Variants in SH3PXD2B observed in about 807,000 individuals in gnomAD.
The protein encoded by SH3PXD2B is SH3 and PX domains 2B, also known as SH3 and PX domain-containing protein 2B.
A neutral mutation model predicts 73.1 loss-of-function variants in SH3PXD2B; 37 were observed. The observed-to-expected ratio is 0.51, with a 90% CI of 0.39 to 0.67. The LOEUF (loss-of-function observed/expected upper bound fraction) is 0.67, where lower values mean the gene tolerates loss of function less well. Ranked by LOEUF, SH3PXD2B falls within the 30% of genes least tolerant of loss-of-function variation. SH3PXD2B has a pLI of 0.00. For synonymous variants in SH3PXD2B, 457 were observed against 480.5 expected (o/e 0.95, Z 0.64); for missense variants, 1,053 against 1,197.8 (o/e 0.88, Z 1.78).
intron 3 of SH3PXD2B, among the ~76,000 whole-genome samples, chr5:172,397,244 A>T (rs1175496955): frequency 6.6e-6 from 1 of 152,188 alleles, no homozygotes; most frequent in Non-Finnish European, 1.5e-5. Flanking sequence ...TATTAGGATG[A>T]GGAAATTCCC....
At chr5:172,447,972 C>T (rs1759711007) in intron 1 of SH3PXD2B, among the ~76,000 whole-genome samples, 1 of 152,230 alleles carries the variant, frequency 6.6e-6, no homozygotes, top group Non-Finnish European at 1.5e-5. Flanking sequence ...CCTTTGCTTG[C>T]CACTCACTTG....
Position 172,335,606 on chromosome 5 carries a change from G to A in SH3PXD2B, c.*2763C>T, listed in dbSNP as rs1161590788. On this transcript the variant is annotated 3_prime_UTR_variant, in exon 13 of 13. Transcript: ENST00000311601. ...GTGTTTAGGCACTGGTCACCAGCCC[G>A]GTGCTTGGCACCATTGTCACGATGG... The A allele has an allele frequency of 8.9e-6, 11 of 1,231,710 alleles. No homozygotes were observed. In the East Asian group the frequency reaches 1.3e-4, roughly 14 times the overall value. 76.3% of individuals were successfully genotyped at this position (1,231,710 alleles called of 1,614,324 possible). A position where few individuals can be genotyped will look rare whatever the true frequency, so the allele number is the denominator to read the frequency against.
In SH3PXD2B at chr5:172,334,111, G is replaced by T; in HGVS notation, c.*4258C>A. 1 of 1,117,034 alleles carries T rather than the reference G, an allele frequency of 9.0e-7. No individual in the cohort carries two copies. The highest frequency in any genetic ancestry group is 1.1e-6 in the Non-Finnish European group (1 of 910,484). 69.2% of individuals were successfully genotyped at this position (1,117,034 alleles called of 1,614,324 possible). A position where few individuals can be genotyped will look rare whatever the true frequency, so the allele number is the denominator to read the frequency against. On this transcript the variant is annotated 3_prime_UTR_variant, in exon 13 of 13. Coordinates refer to ENST00000311601, the MANE Select transcript of SH3PXD2B (RefSeq NM_001017995.3). ...CTCATCCCTGATTGGAGCTAAGAAG[G>T]CTTACTTTGGAGTCGAGGATAGAAA... is the stretch of plus-strand genomic sequence containing the variant.
intron 1 of SH3PXD2B, among the ~76,000 whole-genome samples, chr5:172,433,946 C>T (rs770649266): frequency 7.2e-5 from 11 of 152,162 alleles, no homozygotes; most frequent in South Asian, 2.1e-4. Flanking sequence ...GATGGGGACT[C>T]CCAGTGTCCA....
intron 6 of SH3PXD2B, among the ~76,000 whole-genome samples, chr5:172,367,331 C>T (rs886981298): frequency 1.3e-5 from 2 of 151,624 alleles, no homozygotes; most frequent in African/African-American, 4.8e-5. Context: ...ATGGTCCTTA[C>T]CTCACTTGTG....
chr5:172,416,911 G>C (rs914669332), intron 2 of SH3PXD2B, among the ~76,000 whole-genome samples: 1 of 151,670 alleles, frequency 6.6e-6, no homozygotes, highest in Non-Finnish European at 1.5e-5. Context: ...ATCTTGTTTT[G>C]TTGGCCAGAC....
At chr5:172,414,785 C>A (rs754106019) in intron 2 of SH3PXD2B, among the ~76,000 whole-genome samples, 1 of 152,200 alleles carries the variant, frequency 6.6e-6, no homozygotes, top group African/African-American at 2.4e-5. Flanking sequence ...GGCTCCTTCA[C>A]GGGCAGAGTG....
In SH3PXD2B at chr5:172,436,941, G is replaced by A. The variant is rs554824405; in HGVS notation, c.76-14445C>T. Among the ~76,000 whole-genome samples, 7 of 152,292 alleles carry A rather than the reference G, an allele frequency of 4.6e-5. No individual in the cohort carries two copies. The South Asian group carries it at 1.0e-3, about 23-fold the overall frequency. On this transcript the variant is annotated intron_variant, in intron 1 of 12. Coordinates refer to ENST00000311601, the MANE Select transcript of SH3PXD2B (RefSeq NM_001017995.3). ...GGTCCCTAGGAATCCACAGACCCCA[G>A]TTTCAGAAGGCAGCTAGCTGTTAAG...
At chr5:172,425,016 T>C (rs1425420644) in intron 1 of SH3PXD2B, among the ~76,000 whole-genome samples, 2 of 152,126 alleles carry the variant, frequency 1.3e-5, no homozygotes, top group Admixed American at 1.3e-4. Context: ...AGGTAACTCA[T>C]GGAGCCAGGG....
At chr5:172,434,529 T>G (rs545891321) in intron 1 of SH3PXD2B, among the ~76,000 whole-genome samples, 71 of 152,318 alleles carry the variant, frequency 4.7e-4, no homozygotes, top group Non-Finnish European at 1.0e-4. Context: ...CGGAGCTCTG[T>G]GAGCTCCCAA....
chr5:172,424,050 TG>T (rs1276006919), intron 1 of SH3PXD2B, among the ~76,000 whole-genome samples: 2 of 151,378 alleles, frequency 1.3e-5, no homozygotes, highest in Admixed American at 6.6e-5. Context: ...TCACTGGGGG[TG>T]GGGGGGAGCC....
rs62385444 is a variant in SH3PXD2B, at chr5:172,350,930, C to A, written c.786-341G>T. ...CTCTGGGGCCAAAGCCTGGCATAGA[C>A]AGATGGAGATCTGTTCACGCTGATG... On this transcript the variant is annotated intron_variant, in intron 9 of 12. Coordinates refer to ENST00000311601, the MANE Select transcript of SH3PXD2B (RefSeq NM_001017995.3). Among the ~76,000 whole-genome samples the A allele has an allele frequency of 0.28, 42,486 of 152,148 alleles. 6,141 individuals carry two copies. The highest frequency in any genetic ancestry group is 0.32 in the Non-Finnish European group (21,774 of 67,968).
intron 3 of SH3PXD2B, 25 bp downstream of exon 3, chr5:172,406,252 G>C: frequency 6.2e-7 from 1 of 1,613,084 alleles, no homozygotes; most frequent in Admixed American, 1.7e-5. Context: ...CAGTGTCCCA[G>C]TCTGAGAGCA....
rs886060421 is a variant in SH3PXD2B, at chr5:172,339,551, C to T, written c.1554G>A (p.Glu518=). ...YEEISDPDME[E]KPSLPPRKES... ...CTTTCCGCGGAGGGAGGCTGGGCTT[C>T]TCCTCCATGTCGGGGTCTGAGATCT... The change falls in exon 13 of 13, where the codon GAG becomes GAA. Residue 518 remains glutamate (E), a synonymous_variant. Coordinates refer to ENST00000311601, the MANE Select transcript of SH3PXD2B (RefSeq NM_001017995.3). This position sits in a 1 kb window ranked among gnomAD's most constrained non-coding sequence, Gnocchi z 6.1. The T allele has an allele frequency of 6.2e-7, 1 of 1,614,220 alleles. No homozygotes were observed.
chr5:172,447,277 TAATCAGGTGAA>T (rs1436959562), intron 1 of SH3PXD2B, among the ~76,000 whole-genome samples: 1 of 152,238 alleles, frequency 6.6e-6, no homozygotes, highest in Admixed American at 6.5e-5. Flanking sequence ...CCTTCGTTTG[TAATCAGGTGAA>T]AATCAGCCTG....
chr5:172,334,485 A>G lies in SH3PXD2B; in HGVS notation c.*3884T>C. On this transcript the variant is annotated 3_prime_UTR_variant, in exon 13 of 13. Coordinates refer to ENST00000311601, the MANE Select transcript of SH3PXD2B (RefSeq NM_001017995.3). ...TATGGATGTCTGCAGTCTACACAAC[A>G]GCCCTGCAGAACGGGCCTGGACAAC... 1 of 985,870 alleles carries G rather than the reference A, an allele frequency of 1.0e-6. No homozygotes were observed. The highest frequency in any genetic ancestry group is 6.1e-5 in the Admixed American group (1 of 16,306). The allele number at this position is 985,870 out of a possible 1,614,324, so 61.1% of individuals were successfully genotyped here. A position where few individuals can be genotyped will look rare whatever the true frequency, so the allele number is the denominator to read the frequency against.
intron 12 of SH3PXD2B, among the ~76,000 whole-genome samples, 189 bp from the exon 13 acceptor site, chr5:172,340,105 G>A (rs1756819742): frequency 6.6e-6 from 1 of 152,220 alleles, no homozygotes; most frequent in Admixed American, 6.5e-5. Flanking sequence ...TACATGGGGG[G>A]AGAGTCTTGT....
chr5:172,405,966 G>T (rs1758546338), intron 3 of SH3PXD2B, among the ~76,000 whole-genome samples: 1 of 152,172 alleles, frequency 6.6e-6, no homozygotes, highest in African/African-American at 2.4e-5. Flanking sequence ...AGCATCTAAT[G>T]CCAAAACCCA....
intron 12 of SH3PXD2B, among the ~76,000 whole-genome samples, chr5:172,344,984 A>G (rs58971459): frequency 0.013 from 1,960 of 148,656 alleles, 33 homozygotes; most frequent in African/African-American, 0.047. Context: ...AGAAAGAAAG[A>G]AGGAGGAAGG....
Sources: gnomAD v4.1 joint callset for allele counts (sites outside exome capture counted in the v4.1 genomes callset) on GRCh38, gnomAD v4.1.1 for gene constraint, Gnocchi (gnomAD v3.1) non-coding constraint, MANE v1.5 for transcripts, NCBI Gene and HGNC (gene_info 2026-07-23, HGNC 2026-07-21) for gene names.